The following CBFA2T3 variants were observed in gnomAD, a reference collection of about 807,000 sequenced individuals.
CBFA2T3 encodes the protein transcriptional corepressor CBFA2T3.
CBFA2T3 carries 31 observed loss-of-function variants against 58.6 expected under a neutral mutation model. The ratio of observed to expected loss-of-function variants is 0.53; its 90% CI spans 0.40 to 0.71. The LOEUF (loss-of-function observed/expected upper bound fraction) is 0.71. Ranked by LOEUF, CBFA2T3 falls within the 30% of genes least tolerant of loss-of-function variation. CBFA2T3 has a pLI of 0.00. For missense variants in CBFA2T3, 1,076 were observed against 963.1 expected (o/e 1.12, Z -1.55); for synonymous variants, 531 against 421.9 (o/e 1.26, Z -3.17).
At position 88,950,612 on chromosome 16, in the gene CBFA2T3, T is replaced by C. The variant is rs974584436; in HGVS notation, c.151+26045A>G. On this transcript the variant is annotated intron_variant, in intron 1 of 11. Transcript: ENST00000268679. Reference sequence around the variant, plus strand: ...CTTCCGGATCTGTTCACCCGTCCCCTGGACCGGCACCGCCACAGAGGGTCA... The same window carrying C: ...CTTCCGGATCTGTTCACCCGTCCCCCGGACCGGCACCGCCACAGAGGGTCA... 3 of 360,508 alleles carry C rather than the reference T, an allele frequency of 8.3e-6. No homozygotes were observed. In the Admixed American group the frequency reaches 9.1e-5, roughly 11 times the overall value. The allele number at this position is 360,508 out of a possible 1,614,324, so 22.3% of individuals were successfully genotyped here. A position where few individuals can be genotyped will look rare whatever the true frequency, so the allele number is the denominator to read the frequency against.
Position 88,946,082 on chromosome 16 carries a change from C to T in CBFA2T3, c.151+30575G>A, listed in dbSNP as rs572800507. ...CAGGACTTTGGGAGGCCGAAGGGGG[C>T]GGATCACCTGAGGTCAGGAGTTCGA... On this transcript the variant is annotated intron_variant, in intron 1 of 11. Transcript: ENST00000268679. Among the ~76,000 whole-genome samples, 6 of 152,118 alleles carry T rather than the reference C, an allele frequency of 3.9e-5. No individual in the cohort carries two copies. The South Asian group carries it at 6.2e-4, about 16-fold the overall frequency.
chr16:88,963,898 C>T (rs1972429631), intron 1 of CBFA2T3, among the ~76,000 whole-genome samples: 2 of 152,216 alleles, frequency 1.3e-5, no homozygotes, highest in South Asian at 4.1e-4. Flanking sequence ...GTTCCTCATC[C>T]CTCTGAGCCT....
At chr16:88,886,909 C>G (rs926849658) in intron 5 of CBFA2T3, 3 of 152,282 alleles carry the variant, frequency 2.0e-5, no homozygotes, top group African/African-American at 7.2e-5. Context: ...GCCTTTGACG[C>G]CTGTGTGTAC....
chr16:88,911,727 C>T (rs533254516), intron 1 of CBFA2T3, among the ~76,000 whole-genome samples: 33 of 152,384 alleles, frequency 2.2e-4, no homozygotes, highest in East Asian at 1.3e-3. Context: ...TGTCATGCTT[C>T]GGGCTATCTG....
chr16:88,903,115 C>G (rs1970164998), intron 1 of CBFA2T3, among the ~76,000 whole-genome samples: 2 of 152,186 alleles, frequency 1.3e-5, no homozygotes, highest in African/African-American at 4.8e-5. Flanking sequence ...TTCCCGGGGC[C>G]CCAGCACCAT....
intron 1 of CBFA2T3, among the ~76,000 whole-genome samples, chr16:88,923,278 CCCT>C (rs1026120484): frequency 3.3e-5 from 5 of 152,218 alleles, no homozygotes; most frequent in African/African-American, 9.6e-5. Flanking sequence ...GACCCGCACC[CCCT>C]CCTCATCGCA....
chr16:88,919,810 A>G (rs961144260), intron 1 of CBFA2T3, among the ~76,000 whole-genome samples: 5 of 152,342 alleles, frequency 3.3e-5, no homozygotes, highest in South Asian at 2.1e-4. Context: ...CACTGTTTCA[A>G]TGCAGGTCTG....
At chr16:88,913,265 C>T (rs564875422) in intron 1 of CBFA2T3, among the ~76,000 whole-genome samples, 5 of 152,242 alleles carry the variant, frequency 3.3e-5, no homozygotes, top group African/African-American at 7.2e-5. Context: ...AGGGTTGGCC[C>T]GGCCACTTGG....
At chr16:88,893,956 G>A (rs1028679415) in intron 3 of CBFA2T3, among the ~76,000 whole-genome samples, 1 of 152,152 alleles carries the variant, frequency 6.6e-6, no homozygotes, top group Non-Finnish European at 1.5e-5. Flanking sequence ...ACAGGGGAGG[G>A]GGACTGGATG....
At chr16:88,969,752 G>C (rs551988009) in intron 1 of CBFA2T3, among the ~76,000 whole-genome samples, 2 of 152,184 alleles carry the variant, frequency 1.3e-5, no homozygotes, top group African/African-American at 2.4e-5. Context: ...GGCAGGTGCC[G>C]GGGGGCAGGT....
At chr16:88,878,870 C>T (rs527353597) in intron 11 of CBFA2T3, among the ~76,000 whole-genome samples, 49 of 152,128 alleles carry the variant, frequency 3.2e-4, no homozygotes, top group Non-Finnish European at 5.3e-4. Context: ...CGCTTGAACC[C>T]GGGAGGCGGA....
At chr16:88,912,904 G>C (rs1303616129) in intron 1 of CBFA2T3, among the ~76,000 whole-genome samples, 1 of 152,238 alleles carries the variant, frequency 6.6e-6, no homozygotes, top group Non-Finnish European at 1.5e-5. Flanking sequence ...GGGTGCGTCT[G>C]AGGAATAAGG....
chr16:88,927,660 TCA>T (rs1971128368), intron 1 of CBFA2T3, among the ~76,000 whole-genome samples: 1 of 152,110 alleles, frequency 6.6e-6, no homozygotes, highest in African/African-American at 2.4e-5. Context: ...GGTTCAGCTG[TCA>T]CAGAGGGAGC....
At chr16:88,877,391 A>C (rs1597650667) in intron 11 of CBFA2T3, 116 bp from the exon 12 acceptor site, 16 of 809,742 alleles carry the variant, frequency 2.0e-5, no homozygotes, top group East Asian at 8.8e-5. Context: ...GAAGAGAGAA[A>C]CTCCAAAGCC....
intron 1 of CBFA2T3, among the ~76,000 whole-genome samples, chr16:88,940,542 G>A (rs1971680959): frequency 6.6e-6 from 1 of 152,252 alleles, no homozygotes; most frequent in Admixed American, 6.5e-5. Context: ...GCCAGGCAGG[G>A]TCCAGGACCC....
At position 88,932,656 on chromosome 16, in the gene CBFA2T3, G is replaced by A. The variant is rs1032578076; in HGVS notation, c.152-31000C>T. On this transcript the variant is annotated intron_variant, in intron 1 of 11. Transcript: ENST00000268679. ...AGGGAGACCCCGACTATAAGTAAAGGGAAAAAAGAGGCAGGGCGCGGTGGT... is the reference window on the plus strand; with the variant it reads ...AGGGAGACCCCGACTATAAGTAAAGAGAAAAAAGAGGCAGGGCGCGGTGGT... Among the ~76,000 whole-genome samples the A allele has an allele frequency of 4.7e-5, 7 of 149,960 alleles. No homozygotes were observed. The South Asian group carries it at 6.3e-4, about 14-fold the overall frequency.
At chr16:88,925,092 A>G (rs533679) in intron 1 of CBFA2T3, among the ~76,000 whole-genome samples, 64,381 of 152,190 alleles carry the variant, frequency 0.42, 14,304 homozygotes, top group Middle Eastern at 0.6. Context: ...CCCGCCCGGA[A>G]TCACACAGCA....
At position 88,880,543 on chromosome 16, in the gene CBFA2T3, C is replaced by A. The variant is rs779407568; in HGVS notation, c.1471+177G>T. On this transcript the variant is annotated intron_variant, in intron 10 of 11. Transcript: ENST00000268679. Reference sequence around the variant, plus strand: ...GTAGGCGCAGGTAGCAGCTGTCCTGCCCTAAGTGTGAACCTACTCTGACCT... The same window carrying A: ...GTAGGCGCAGGTAGCAGCTGTCCTGACCTAAGTGTGAACCTACTCTGACCT... Among the ~76,000 whole-genome samples, 5 of 152,232 alleles carry A rather than the reference C, an allele frequency of 3.3e-5. No individual in the cohort carries two copies. In the East Asian group the frequency reaches 5.8e-4, roughly 18 times the overall value.
At position 88,879,282 on chromosome 16, in the gene CBFA2T3, C is replaced by G; in HGVS notation, c.1650G>C (p.Glu550Asp). 1 of 1,598,516 alleles carries G rather than the reference C, an allele frequency of 6.3e-7. No individual in the cohort carries two copies. Among genetic ancestry groups the G allele is most frequent in the Non-Finnish European group, 8.5e-7 (1 of 1,171,616 alleles). The change falls in exon 11 of 12, where the codon GAG becomes GAC. Residue 550 changes from glutamate to aspartate, a missense_variant. Transcript: ENST00000268679. ...EDALTVINQQ[E>D]DSSESCWNCG... ...CGGGTGGCCCTACCTCGCTGGAGTC[C>G]TCCTGCTGGTTGATGACCGTCAGGG...
Sources: gnomAD v4.1 joint callset for allele counts (sites outside exome capture counted in the v4.1 genomes callset) on GRCh38, gnomAD v4.1.1 for gene constraint, MANE v1.5 for transcripts, NCBI Gene and HGNC (gene_info 2026-07-23, HGNC 2026-07-21) for gene names.